Variants in JAK2 observed in about 807,000 individuals in gnomAD.
JAK2 encodes tyrosine-protein kinase JAK2.
JAK2 carries 86 observed loss-of-function variants against 139.3 expected under a neutral mutation model. That is an observed-to-expected ratio of 0.62 (90% CI 0.52 to 0.74). JAK2 has a LOEUF of 0.74. Ranked by LOEUF, JAK2 falls within the 30% of genes least tolerant of loss-of-function variation. The probability of loss-of-function intolerance (pLI) is 0.00; values close to 1 mark genes in which losing one functional copy is unlikely to be tolerated. For synonymous variants in JAK2, 490 were observed against 437.7 expected, an observed-to-expected ratio of 1.12 and a Z score of -1.49; for missense variants, 1,421 against 1,360.3, an observed-to-expected ratio of 1.04 and a Z score of -0.70.
chr9:5,097,162 T>A (rs781359793), intron 22 of JAK2: 1 of 152,124 alleles, frequency 6.6e-6, no homozygotes, highest in Non-Finnish European at 1.5e-5. Flanking sequence ...ATTACTACAA[T>A]TATTAACAAA....
chr9:5,007,264 C>T (rs1303352813), intron 2 of JAK2, among the ~76,000 whole-genome samples: 1 of 152,060 alleles, frequency 6.6e-6, no homozygotes, highest in African/African-American at 2.4e-5. Context: ...TCTTAGTATA[C>T]ACTTTTACTG....
chr9:5,093,193 C>G (rs1039991527), intron 22 of JAK2, among the ~76,000 whole-genome samples: 2 of 152,078 alleles, frequency 1.3e-5, no homozygotes, highest in Non-Finnish European at 2.9e-5. Flanking sequence ...AATAAGCATC[C>G]TATTATTTAT....
chr9:5,077,175 T>C (rs1296160545), intron 14 of JAK2, among the ~76,000 whole-genome samples: 1 of 148,298 alleles, frequency 6.7e-6, no homozygotes, highest in Non-Finnish European at 1.5e-5. Flanking sequence ...CATAATTCAG[T>C]ACTAATATAT....
At chr9:5,125,561 ATTT>A (rs931265832) in intron 23 of JAK2, among the ~76,000 whole-genome samples, 2 of 151,510 alleles carry the variant, frequency 1.3e-5, no homozygotes, top group African/African-American at 4.8e-5. Context: ...CTATTTTAAA[ATTT>A]TTTTAATTTC....
intron 4 of JAK2, among the ~76,000 whole-genome samples, chr9:5,033,189 T>G (rs1012269171): frequency 5.9e-5 from 9 of 151,724 alleles, no homozygotes; most frequent in African/African-American, 1.7e-4. Context: ...GAAGAGAAGT[T>G]TAGAGAAAAA....
chr9:5,076,203 G>T (rs1048808143), intron 14 of JAK2, among the ~76,000 whole-genome samples: 4 of 152,118 alleles, frequency 2.6e-5, no homozygotes, highest in African/African-American at 9.7e-5. Flanking sequence ...GACAACAAAG[G>T]GTTTGGAATT....
chr9:5,035,869 A>C (rs1368869326), intron 4 of JAK2, among the ~76,000 whole-genome samples: 2 of 152,208 alleles, frequency 1.3e-5, no homozygotes, highest in Non-Finnish European at 2.9e-5. Context: ...TAGTGTTGGA[A>C]GTTCTGGCCA....
At chr9:4,991,409 T>G in intron 2 of JAK2, among the ~76,000 whole-genome samples, 1 of 152,128 alleles carries the variant, frequency 6.6e-6, no homozygotes, top group East Asian at 1.9e-4. Flanking sequence ...GATTATGAAA[T>G]AAAATGCTAT....
At chr9:5,010,838 C>T (rs1172365880) in intron 2 of JAK2, among the ~76,000 whole-genome samples, 1 of 152,078 alleles carries the variant, frequency 6.6e-6, no homozygotes, top group Non-Finnish European at 1.5e-5. Flanking sequence ...ATTTGTTTTG[C>T]CTTGAATTTT....
chr9:5,103,414 C>G (rs1369974645), intron 22 of JAK2, among the ~76,000 whole-genome samples: 1 of 151,802 alleles, frequency 6.6e-6, no homozygotes, highest in Non-Finnish European at 1.5e-5. Flanking sequence ...CACCAAGATT[C>G]ATAAAGCAAG....
At chr9:5,114,099 G>C (rs1013197369) in intron 22 of JAK2, 2 of 333,742 alleles carry the variant, frequency 6.0e-6, no homozygotes, top group African/African-American at 4.3e-5. Context: ...CTGGCTGCCC[G>C]ACCACACCTA....
chr9:5,111,380 T>G, intron 22 of JAK2: 1 of 403,006 alleles, frequency 2.5e-6, no homozygotes, highest in Non-Finnish European at 4.8e-6. Context: ...CCAGCAGCTC[T>G]GGCGGACAGA....
chr9:5,055,730 A>G lies in JAK2; in HGVS notation c.998A>G (p.Gln333Arg). Residue 333 changes from glutamine (Q) to arginine (R), a missense_variant, in exon 8 of 25, where the codon CAA (glutamine) becomes CGA (arginine). Coordinates refer to ENST00000381652, the MANE Select transcript of JAK2 (RefSeq NM_004972.4). ...IIDVSIKQAN[Q>R]EGSNESRVVT... ...GATGTCAGTATTAAGCAAGCAAACC[A>G]AGAGGGTTCAAATGAAAGCCGAGTT... The G allele has an allele frequency of 6.2e-7, 1 of 1,608,840 alleles. No individual in the cohort carries two copies. Among genetic ancestry groups the G allele is most frequent in the Non-Finnish European group, 8.5e-7 (1 of 1,175,858 alleles).
At chr9:5,040,880 G>A (rs923465312) in intron 4 of JAK2, 1 of 278,598 alleles carries the variant, frequency 3.6e-6, no homozygotes, top group Non-Finnish European at 7.0e-6. Flanking sequence ...GCGGATCCGC[G>A]CCGCGCTGCT....
intron 2 of JAK2, among the ~76,000 whole-genome samples, chr9:4,988,280 A>T (rs79308862): frequency 0.032 from 4,886 of 152,202 alleles, 196 homozygotes; most frequent in African/African-American, 0.096. Context: ...TCAATATTAG[A>T]TACCTACACC....
At chr9:5,104,999 A>T (rs1821834652) in intron 22 of JAK2, among the ~76,000 whole-genome samples, 1 of 152,220 alleles carries the variant, frequency 6.6e-6, no homozygotes, top group Non-Finnish European at 1.5e-5. Flanking sequence ...AAACTGGCAA[A>T]AGACAAGGAT....
At chr9:5,034,755 T>G (rs1823444273) in intron 4 of JAK2, among the ~76,000 whole-genome samples, 1 of 151,386 alleles carries the variant, frequency 6.6e-6, no homozygotes, top group African/African-American at 2.4e-5. Context: ...AGAGGGAAAT[T>G]TATAGCACTA....
At chr9:5,005,908 A>G (rs1821266983) in intron 2 of JAK2, among the ~76,000 whole-genome samples, 1 of 152,148 alleles carries the variant, frequency 6.6e-6, no homozygotes, top group South Asian at 2.1e-4. Flanking sequence ...CTTGTAGTAT[A>G]GTTTGAAGTC....
intron 19 of JAK2, among the ~76,000 whole-genome samples, chr9:5,089,269 T>A (rs1202289939): frequency 6.6e-6 from 1 of 152,194 alleles, no homozygotes; most frequent in Non-Finnish European, 1.5e-5. Flanking sequence ...CTGGGCATGG[T>A]GGCTCATGCC....
Sources: gnomAD v4.1 joint callset for allele counts (sites outside exome capture counted in the v4.1 genomes callset) on GRCh38, gnomAD v4.1.1 for gene constraint, MANE v1.5 for transcripts, NCBI Gene and HGNC (gene_info 2026-07-23, HGNC 2026-07-21) for gene names.